The following SLC7A5 variants were observed in gnomAD, a reference collection of about 807,000 sequenced individuals.
The protein encoded by SLC7A5 is solute carrier family 7 member 5.
In SLC7A5, 23 loss-of-function variants were observed where a neutral mutation model predicts 50.2. The observed-to-expected ratio is 0.46, with a 90% CI of 0.33 to 0.65. The LOEUF (loss-of-function observed/expected upper bound fraction) is 0.65, where lower values mean the gene tolerates loss of function less well. SLC7A5 is among the 30% of genes least tolerant of loss of function. SLC7A5 has a pLI of 0.02. For missense variants in SLC7A5, 578 were observed against 684.4 expected (o/e 0.84, Z 1.73); for synonymous variants, 393 against 330.6 (o/e 1.19, Z -2.05).
At chr16:87,864,990 C>G (rs554847074) in intron 1 of SLC7A5, among the ~76,000 whole-genome samples, 1 of 152,336 alleles carries the variant, frequency 6.6e-6, no homozygotes, top group African/African-American at 2.4e-5. Context: ...ATGCCAACTT[C>G]TCGGCCTTCC....
intron 2 of SLC7A5, among the ~76,000 whole-genome samples, chr16:87,844,310 C>T (rs777812092): frequency 6.6e-6 from 1 of 152,234 alleles, no homozygotes; most frequent in Non-Finnish European, 1.5e-5. Context: ...CACAGCAGCC[C>T]TGTCAGCAGG....
At chr16:87,868,765 G>C (rs1288802693) in intron 1 of SLC7A5, 120 bp downstream of exon 1, 9 of 1,083,054 alleles carry the variant, frequency 8.3e-6, no homozygotes, top group South Asian at 4.0e-5. Flanking sequence ...GCCTAGAACT[G>C]CCGGGATGGT....
rs143454890 is a variant in SLC7A5 at position 87,853,898 on chromosome 16, CGCGGCTGTCACGTCT to C, written c.539-2064_539-2050del. On this transcript the variant is annotated intron_variant, in intron 1 of 9. Transcript: ENST00000261622. The surrounding 1 kb of genome is among the most constrained non-coding windows in gnomAD (Gnocchi z 4.4). ...CTGCGGAGACACTGAGCACTGCCCTCGCGGCTGTCACGTCTGCGGCTGTCACGTCTGCTAGGGGGT... is the reference window on the plus strand; with the variant it reads ...CTGCGGAGACACTGAGCACTGCCCTCGCGGCTGTCACGTCTGCTAGGGGGT... 23,329 of 151,108 alleles carry C rather than the reference CGCGGCTGTCACGTCT, an allele frequency of 0.15. 1,922 individuals carry two copies. Among genetic ancestry groups the C allele is most frequent in the Non-Finnish European group, 0.2 (13,232 of 67,510 alleles). 9.4% of individuals were successfully genotyped at this position (151,108 alleles called of 1,614,324 possible). A position where few individuals can be genotyped will look rare whatever the true frequency, so the allele number is the denominator to read the frequency against.
chr16:87,868,372 C>A lies in SLC7A5; in HGVS notation c.538+513G>T, dbSNP rs1014602758. 3.9e-5 allele frequency among the ~76,000 whole-genome samples: 6 copies of A among 152,174 alleles called. 1 individual carries two copies. The highest frequency in any genetic ancestry group is 1.4e-4 in the African/African-American group (6 of 41,428). On this transcript the variant is annotated intron_variant, in intron 1 of 9. Coordinates refer to ENST00000261622, the MANE Select transcript of SLC7A5 (RefSeq NM_003486.7). ...AAATCAGCACCAGTCACTACCCGCA[C>A]ACGATGTTATTACTACTGTTTTCTT...
At chr16:87,840,162 G>T (rs545270761) in intron 4 of SLC7A5, among the ~76,000 whole-genome samples, 1 of 152,330 alleles carries the variant, frequency 6.6e-6, no homozygotes, top group East Asian at 1.9e-4. Flanking sequence ...CACAGCCGGG[G>T]ACCAGAGCCG....
intron 2 of SLC7A5, 109 bp downstream of exon 2, chr16:87,851,615 T>C (rs2143784384): frequency 7.3e-7 from 1 of 1,370,700 alleles, no homozygotes; most frequent in East Asian, 2.3e-5. Flanking sequence ...TGTACAGCAC[T>C]GCAGAGCTGC....
intron 1 of SLC7A5, among the ~76,000 whole-genome samples, chr16:87,863,986 A>AAAAAAAAAATATATAT (rs376938738): frequency 4.8e-5 from 4 of 83,280 alleles, no homozygotes; most frequent in African/African-American, 1.6e-4. Flanking sequence ...ATCATTTAAA[A>AAAAAAAAAATATATAT]ATATATATAT....
chr16:87,858,429 C>A (rs1567500338), intron 1 of SLC7A5, among the ~76,000 whole-genome samples: 1 of 152,144 alleles, frequency 6.6e-6, no homozygotes, highest in Non-Finnish European at 1.5e-5. Context: ...GAAACCCACG[C>A]CCCACTCCAA....
rs987550611 is a variant in SLC7A5 at position 87,841,785 on chromosome 16, C to T, written c.665-630G>A. Among the ~76,000 whole-genome samples, 3 of 152,236 alleles carry T rather than the reference C, an allele frequency of 2.0e-5. No homozygotes were observed. Among genetic ancestry groups the T allele is most frequent in the Admixed American group, 1.3e-4 (2 of 15,282 alleles). ...TGTGTGCAGAGCTCTCTCCTTTGCC[C>T]TCTGAGGACACGCGTCACTGGACTT... On this transcript the variant is annotated intron_variant, in intron 2 of 9. Transcript: ENST00000261622. The surrounding 1 kb of genome is among the most constrained non-coding windows in gnomAD (Gnocchi z 4.8).
At chr16:87,866,507 C>T (rs1363868697) in intron 1 of SLC7A5, among the ~76,000 whole-genome samples, 2 of 152,036 alleles carry the variant, frequency 1.3e-5, no homozygotes, top group African/African-American at 2.4e-5. Context: ...GCCTTGTTGC[C>T]CAGGCTGGAG....
rs564842205 is a variant in SLC7A5 at position 87,838,022 on chromosome 16, G to C, written c.1044-81C>G. The C allele has an allele frequency of 1.5e-4, 162 of 1,115,800 alleles. No individual in the cohort carries two copies. The African/African-American group carries it at 1.9e-3, about 13-fold the overall frequency. The allele number at this position is 1,115,800 out of a possible 1,614,324, so 69.1% of individuals were successfully genotyped here. The stretch of plus-strand genomic sequence containing the variant: ...ACAGGGGACACGCAGGCTGGGGAGT[G>C]GCAGGGCCTGTGCCTGGCTTGTCTG... On this transcript the variant is annotated intron_variant, in intron 6 of 9. Transcript: ENST00000261622.
rs535644883 is a variant in SLC7A5, at chr16:87,857,308, C to T, written c.539-5459G>A. Among the ~76,000 whole-genome samples the T allele has an allele frequency of 9.2e-5, 14 of 152,244 alleles. No homozygotes were observed. In the East Asian group the frequency reaches 1.5e-3, roughly 17 times the overall value. On this transcript the variant is annotated intron_variant, in intron 1 of 9. Coordinates refer to ENST00000261622, the MANE Select transcript of SLC7A5 (RefSeq NM_003486.7). The stretch of plus-strand genomic sequence containing the variant: ...TACGATCTTGGCTCACTGCAACCTC[C>T]GCCTCCTGAGTTCAAGCCATTCTCT...
chr16:87,859,234 A>G (rs1294586702), intron 1 of SLC7A5, among the ~76,000 whole-genome samples: 5 of 152,218 alleles, frequency 3.3e-5, no homozygotes, highest in Non-Finnish European at 1.5e-5. Flanking sequence ...GGCCCTGCTC[A>G]GGCCTTCTGC....
At position 87,847,204 on chromosome 16, in the gene SLC7A5, G is replaced by A. The variant is rs928671584; in HGVS notation, c.664+4520C>T. ...AGGGGGGCTTCTCAGTCCACGAGGC[G>A]ACCCCTCCACACCCCAGAGCCACAG... On this transcript the variant is annotated intron_variant, in intron 2 of 9. Coordinates refer to ENST00000261622, the MANE Select transcript of SLC7A5 (RefSeq NM_003486.7). Among the ~76,000 whole-genome samples, 67 of 152,286 alleles carry A rather than the reference G, an allele frequency of 4.4e-4. 1 individual carries two copies. The highest frequency in any genetic ancestry group is 4.1e-3 in the Admixed American group (63 of 15,308).
rs368351361 is a variant in SLC7A5 at position 87,840,997 on chromosome 16, C to A, written c.770+53G>T. The stretch of plus-strand genomic sequence containing the variant: ...CTGGGAGATTTGGGATTCCTGGACA[C>A]GTCAGGGACTGTATGTCCCCAGACC... On this transcript the variant is annotated intron_variant, in intron 3 of 9. Coordinates refer to ENST00000261622, the MANE Select transcript of SLC7A5 (RefSeq NM_003486.7). The A allele has an allele frequency of 2.2e-5, 28 of 1,262,138 alleles. No homozygotes were observed. The African/African-American group carries it at 3.6e-4, about 16-fold the overall frequency. The allele number at this position is 1,262,138 out of a possible 1,614,324, so 78.2% of individuals were successfully genotyped here.
chr16:87,841,875 G>A lies in SLC7A5; in HGVS notation c.665-720C>T, dbSNP rs987751720. Among the ~76,000 whole-genome samples, 1 of 152,204 alleles carries A rather than the reference G, an allele frequency of 6.6e-6. No individual in the cohort carries two copies. Among genetic ancestry groups the A allele is most frequent in the African/African-American group, 2.4e-5 (1 of 41,442 alleles). ...AAACTTGAACTTCAGTCACATCTGC[G>A]AAGACCCTTTTTCCAAATAAGGCCA... On this transcript the variant is annotated intron_variant, in intron 2 of 9. Coordinates refer to ENST00000261622, the MANE Select transcript of SLC7A5 (RefSeq NM_003486.7). The surrounding 1 kb of genome is among the most constrained non-coding windows in gnomAD (Gnocchi z 4.8).
Position 87,869,458 on chromosome 16 carries a change from G to T in SLC7A5, c.-36C>A. 2 of 1,343,912 alleles carry T rather than the reference G, an allele frequency of 1.5e-6. No homozygotes were observed. The highest frequency in any genetic ancestry group is 3.1e-5 in the East Asian group (1 of 31,790). The allele number at this position is 1,343,912 out of a possible 1,614,324, so 83.2% of individuals were successfully genotyped here. A position where few individuals can be genotyped will look rare whatever the true frequency, so the allele number is the denominator to read the frequency against. On this transcript the variant is annotated 5_prime_UTR_variant, in exon 1 of 10. Coordinates refer to ENST00000261622, the MANE Select transcript of SLC7A5 (RefSeq NM_003486.7). ...CCGGCCGGGCCTGGGACACCCGGGA[G>T]CCGCGGCCCAGCGAGCAGTGTGCGC...
chr16:87,867,031 T>C (rs963759239), intron 1 of SLC7A5, among the ~76,000 whole-genome samples: 16 of 151,582 alleles, frequency 1.1e-4, no homozygotes, highest in African/African-American at 3.4e-4. Flanking sequence ...TCCCGGAGCA[T>C]GCCTCAGACT....
chr16:87,861,561 T>C lies in SLC7A5; in HGVS notation c.538+7324A>G, dbSNP rs2055398743. Among the ~76,000 whole-genome samples the C allele has an allele frequency of 6.6e-6, 1 of 152,152 alleles. No homozygotes were observed. Among genetic ancestry groups the C allele is most frequent in the Admixed American group, 6.5e-5 (1 of 15,286 alleles). Reference sequence around the variant, plus strand: ...TGGCTTCAAAGGCTGGAGTGCAAAGTGGTGGCCAAGAGGTGGCCAAGAGGT... The same window carrying C: ...TGGCTTCAAAGGCTGGAGTGCAAAGCGGTGGCCAAGAGGTGGCCAAGAGGT... On this transcript the variant is annotated intron_variant, in intron 1 of 9. Coordinates refer to ENST00000261622, the MANE Select transcript of SLC7A5 (RefSeq NM_003486.7). The surrounding 1 kb of genome is among the most constrained non-coding windows in gnomAD (Gnocchi z 4.2).
Sources: gnomAD v4.1 joint callset for allele counts (sites outside exome capture counted in the v4.1 genomes callset) on GRCh38, gnomAD v4.1.1 for gene constraint, Gnocchi (gnomAD v3.1) non-coding constraint, MANE v1.5 for transcripts, NCBI Gene and HGNC (gene_info 2026-07-23, HGNC 2026-07-21) for gene names.